The following UTRN variants were observed in gnomAD, a reference collection of about 807,000 sequenced individuals.
UTRN encodes utrophin.
UTRN carries 283 observed loss-of-function variants against 463.9 expected under a neutral mutation model. The observed-to-expected ratio is 0.61, with a 90% CI of 0.55 to 0.67. UTRN has a LOEUF of 0.67. Ranked by LOEUF, UTRN falls within the 30% of genes least tolerant of loss-of-function variation. The pLI is 0.00. For missense variants in UTRN, 3,922 were observed against 4,084.3 expected, an observed-to-expected ratio of 0.96 and a Z score of 1.08; for synonymous variants, 1,442 against 1,431.5, an observed-to-expected ratio of 1.01 and a Z score of -0.17.
intron 19 of UTRN, among the ~76,000 whole-genome samples, chr6:144,456,624 G>C (rs1394084569): frequency 6.7e-6 from 1 of 149,984 alleles, no homozygotes; most frequent in Non-Finnish European, 1.5e-5. Flanking sequence ...CTACACTCCA[G>C]CCTGGTGACA....
intron 58 of UTRN, among the ~76,000 whole-genome samples, chr6:144,758,808 C>T (rs1022932224): frequency 2.6e-5 from 4 of 152,000 alleles, no homozygotes; most frequent in African/African-American, 9.7e-5. Context: ...ATGTGTCAGA[C>T]GAACAGCATC....
intron 57 of UTRN, 132 bp from the exon 58 acceptor site, chr6:144,757,797 A>C (rs1792177328): frequency 8.2e-6 from 6 of 735,274 alleles, no homozygotes; most frequent in Non-Finnish European, 1.3e-5. Flanking sequence ...AGTGGATCTC[A>C]TAATTATAGG....
At chr6:144,754,977 A>G (rs955864290) in intron 57 of UTRN, among the ~76,000 whole-genome samples, 179 bp downstream of exon 57, 1 of 152,216 alleles carries the variant, frequency 6.6e-6, no homozygotes, top group African/African-American at 2.4e-5. Context: ...TAACGTAATG[A>G]CAACTGAGAA....
At chr6:144,797,055 C>T (rs919411607) in intron 63 of UTRN, among the ~76,000 whole-genome samples, 1 of 152,000 alleles carries the variant, frequency 6.6e-6, no homozygotes, top group African/African-American at 2.4e-5. Flanking sequence ...TAGCAATATG[C>T]TTTCTGTGTG....
chr6:144,288,761 T>TG (rs1562705678), intron 1 of UTRN, among the ~76,000 whole-genome samples: 2 of 147,792 alleles, frequency 1.4e-5, no homozygotes, highest in Non-Finnish European at 3.0e-5. Flanking sequence ...TCTCTCTTTT[T>TG]TTTTTTTTTT....
intron 46 of UTRN, among the ~76,000 whole-genome samples, chr6:144,543,147 T>G (rs1562550233): frequency 1.3e-5 from 2 of 152,148 alleles, no homozygotes; most frequent in Admixed American, 1.3e-4. Flanking sequence ...GAAGGGAAGA[T>G]GAGAGGCTAG....
At position 144,803,102 on chromosome 6, in the gene UTRN, A is replaced by G. The variant is rs764823354; in HGVS notation, c.9312A>G (p.Ala3104=). The G allele has an allele frequency of 1.9e-6, 3 of 1,596,308 alleles. No homozygotes were observed. Among genetic ancestry groups the G allele is most frequent in the Non-Finnish European group, 1.7e-6 (2 of 1,171,770 alleles). ...GTTGTTTCTTTTCGGGTCGAACAGC[A>G]AAAGGTCACAAATTACATTACCCAA... is the stretch of plus-strand genomic sequence containing the variant. ...CQSCFFSGRT[A]KGHKLHYPMV... is the part of the protein sequence containing the mutation. The change falls in exon 65 of 75, where the codon GCA becomes GCG. Residue 3104 remains alanine (A), a synonymous_variant. Coordinates refer to ENST00000367545, the MANE Select transcript of UTRN (RefSeq NM_007124.3).
At chr6:144,788,290 G>A (rs1776456524) in intron 61 of UTRN, among the ~76,000 whole-genome samples, 1 of 152,130 alleles carries the variant, frequency 6.6e-6, no homozygotes, top group South Asian at 2.1e-4. Flanking sequence ...TATAAAAACT[G>A]CATTGACAGA....
chr6:144,546,135 A>T (rs1274332275), intron 46 of UTRN, among the ~76,000 whole-genome samples: 1 of 152,226 alleles, frequency 6.6e-6, no homozygotes, highest in Non-Finnish European at 1.5e-5. Context: ...ATGGGGCAGA[A>T]GGATGTGTGA....
At chr6:144,480,354 C>T (rs762033948) in intron 26 of UTRN, among the ~76,000 whole-genome samples, 5 of 152,136 alleles carry the variant, frequency 3.3e-5, no homozygotes, top group Non-Finnish European at 7.3e-5. Context: ...TTTTTAAGTG[C>T]ACAATCCAGT....
intron 51 of UTRN, among the ~76,000 whole-genome samples, chr6:144,630,179 C>T (rs1365773072): frequency 6.6e-6 from 1 of 152,026 alleles, no homozygotes; most frequent in Non-Finnish European, 1.5e-5. Flanking sequence ...CAGAGCGAGA[C>T]TCCATCTCAA....
Position 144,435,838 on chromosome 6 carries a change from A to T in UTRN, c.856-97A>T, listed in dbSNP as rs1327356031. On this transcript the variant is annotated intron_variant, in intron 9 of 74. Coordinates refer to ENST00000367545, the MANE Select transcript of UTRN (RefSeq NM_007124.3). The stretch of plus-strand genomic sequence containing the variant: ...AGAATTGGATTAGTGCCTAAGACAG[A>T]GTGGTGGGTACTTTGGGTTCGCCAT... 9.9e-6 allele frequency: 13 copies of T among 1,316,036 alleles called. No homozygotes were observed. The East Asian group carries it at 2.8e-4, about 28-fold the overall frequency. The allele number at this position is 1,316,036 out of a possible 1,614,324, so 81.5% of individuals were successfully genotyped here.
chr6:144,479,443 T>G lies in UTRN; in HGVS notation c.3337-369T>G, dbSNP rs1351850062. Among the ~76,000 whole-genome samples the G allele has an allele frequency of 3.9e-5, 6 of 152,168 alleles. 1 individual carries two copies. In the East Asian group the frequency reaches 1.2e-3, roughly 29 times the overall value. On this transcript the variant is annotated intron_variant, in intron 25 of 74. Transcript: ENST00000367545. ...TGGCTTCTAGATTTTTTGTTTTTGC[T>G]TTCTTTTTTCTTTTTTCCATTATAA...
intron 54 of UTRN, among the ~76,000 whole-genome samples, chr6:144,736,492 C>T (rs926259587): frequency 2.6e-5 from 4 of 152,066 alleles, no homozygotes; most frequent in Non-Finnish European, 5.9e-5. Flanking sequence ...TACTAATTAT[C>T]TTATACTGTT....
chr6:144,633,226 C>CA (rs1776719220), intron 51 of UTRN, among the ~76,000 whole-genome samples: 2 of 107,790 alleles, frequency 1.9e-5, no homozygotes, highest in African/African-American at 1.0e-4. Flanking sequence ...CACTACTTCT[C>CA]CTTTTTTTTT....
At chr6:144,433,568 G>T (rs1334628190) in intron 9 of UTRN, among the ~76,000 whole-genome samples, 2 of 147,834 alleles carry the variant, frequency 1.4e-5, no homozygotes, top group Non-Finnish European at 3.0e-5. Flanking sequence ...CGGGCGGAGG[G>T]GCTCCTCCCT....
At chr6:144,532,011 C>T (rs951756019) in intron 42 of UTRN, among the ~76,000 whole-genome samples, 1 of 152,012 alleles carries the variant, frequency 6.6e-6, no homozygotes, top group Non-Finnish European at 1.5e-5. Context: ...GTGGAACGCA[C>T]CTGCAGTCCC....
chr6:144,400,824 A>G (rs1782877689), intron 2 of UTRN, among the ~76,000 whole-genome samples: 1 of 152,218 alleles, frequency 6.6e-6, no homozygotes, highest in Non-Finnish European at 1.5e-5. Flanking sequence ...TCTGACATTG[A>G]CTTGACCCAT....
chr6:144,409,422 T>C (rs1282713959), intron 3 of UTRN, among the ~76,000 whole-genome samples: 1 of 152,170 alleles, frequency 6.6e-6, no homozygotes, highest in Non-Finnish European at 1.5e-5. Context: ...AGTTTAGAAA[T>C]TGATCAACTG....
Sources: allele counts gnomAD v4.1 joint callset (sites outside exome capture counted in the v4.1 genomes callset), GRCh38; gene constraint gnomAD v4.1.1; transcripts MANE v1.5; gene names NCBI Gene and HGNC (gene_info 2026-07-23, HGNC 2026-07-21).